The following PEX14 variants were observed in gnomAD, a reference collection of about 807,000 sequenced individuals.
PEX14 encodes the protein peroxisomal membrane protein PEX14.
PEX14 carries 15 observed loss-of-function variants against 49.5 expected under a neutral mutation model. The observed-to-expected ratio is 0.30, with a 90% CI of 0.20 to 0.47. The LOEUF (loss-of-function observed/expected upper bound fraction) is 0.47, where lower values mean the gene tolerates loss of function less well. PEX14 is among the 20% of genes least tolerant of loss of function. The probability of loss-of-function intolerance (pLI) is 1.00; values close to 1 mark genes in which losing one functional copy is unlikely to be tolerated. For missense variants in PEX14, 398 were observed against 494.8 expected (o/e 0.80, Z 1.86); for synonymous variants, 210 against 212.7 (o/e 0.99, Z 0.11).
rs1298741689 is a variant in PEX14 at position 10,524,431 on chromosome 1, A to C, written c.85-11782A>C. ...ACAGAGCTGGGAAGAATTTGAAAGG[A>C]GTTACCATTGATTTAAAGGAGGAAG... On this transcript the variant is annotated intron_variant, in intron 2 of 8. Transcript: ENST00000356607. The C allele has an allele frequency of 4.2e-6, 4 of 961,498 alleles. No homozygotes were observed. In the South Asian group the frequency reaches 1.4e-4, roughly 35 times the overall value. 59.6% of individuals were successfully genotyped at this position (961,498 alleles called of 1,614,324 possible). A position where few individuals can be genotyped will look rare whatever the true frequency, so the allele number is the denominator to read the frequency against.
intron 1 of PEX14, among the ~76,000 whole-genome samples, chr1:10,484,452 C>T (rs978005551): frequency 7.3e-5 from 11 of 151,636 alleles, no homozygotes; most frequent in East Asian, 1.9e-4. Context: ...GGATTACAGG[C>T]GTGAGCCACT....
At chr1:10,526,345 A>G (rs1638483160) in intron 2 of PEX14, among the ~76,000 whole-genome samples, 1 of 151,848 alleles carries the variant, frequency 6.6e-6, no homozygotes. Flanking sequence ...TAGCTTCCCA[A>G]GTAACTGGGA....
At chr1:10,531,255 G>T (rs1378971116) in intron 2 of PEX14, among the ~76,000 whole-genome samples, 1 of 152,180 alleles carries the variant, frequency 6.6e-6, no homozygotes, top group Non-Finnish European at 1.5e-5. Flanking sequence ...GTTCTACGAT[G>T]TGTTTCTCTG....
chr1:10,627,285 C>A lies in PEX14; in HGVS notation c.599C>A (p.Thr200Asn). ...CTCTGCTTTCAGGCCACCACATCCA[C>A]CAACTGGATCCTGGAGTCCCAGAAT... ...ELAAAKATTS[T>N]NWILESQNIN... is the part of the protein sequence containing the mutation. The change falls in exon 8 of 9, where the codon ACC becomes AAC. Residue 200 changes from threonine to asparagine, a missense_variant. Physicochemically the swap from Thr to Asn is moderately conservative, Grantham distance 65. Coordinates refer to ENST00000356607, the MANE Select transcript of PEX14 (RefSeq NM_004565.3). The A allele has an allele frequency of 6.2e-7, 1 of 1,613,416 alleles. No individual in the cohort carries two copies. The highest frequency in any genetic ancestry group is 1.3e-5 in the African/African-American group (1 of 75,056).
At chr1:10,581,702 A>C (rs1640325185) in intron 3 of PEX14, among the ~76,000 whole-genome samples, 1 of 150,622 alleles carries the variant, frequency 6.6e-6, no homozygotes, top group Admixed American at 6.6e-5. Context: ...AATTGTGTTA[A>C]ACTTATAAAA....
chr1:10,611,193 G>A (rs1421247318), intron 4 of PEX14, among the ~76,000 whole-genome samples: 5 of 152,050 alleles, frequency 3.3e-5, no homozygotes, highest in Non-Finnish European at 5.9e-5. Flanking sequence ...AACCCAGGAG[G>A]TACAGGTTGC....
At chr1:10,507,402 A>G (rs1022418369) in intron 2 of PEX14, among the ~76,000 whole-genome samples, 18 of 152,310 alleles carry the variant, frequency 1.2e-4, no homozygotes, top group African/African-American at 4.1e-4. Context: ...CTGCTGCCTT[A>G]GTGTGCTCTC....
At chr1:10,516,827 A>G (rs115148483) in intron 2 of PEX14, among the ~76,000 whole-genome samples, 2,595 of 152,310 alleles carry the variant, frequency 0.017, 85 homozygotes, top group African/African-American at 0.059. Context: ...AGAATGGGTG[A>G]GGACAGCCTG....
At chr1:10,534,414 T>G (rs1428753963) in intron 2 of PEX14, among the ~76,000 whole-genome samples, 1 of 152,044 alleles carries the variant, frequency 6.6e-6, no homozygotes, top group Non-Finnish European at 1.5e-5. Flanking sequence ...TTATAGCTCC[T>G]TGTGTACTGT....
chr1:10,607,179 G>A (rs552682971), intron 4 of PEX14, among the ~76,000 whole-genome samples: 4 of 151,758 alleles, frequency 2.6e-5, no homozygotes, highest in East Asian at 3.9e-4. Flanking sequence ...TCCGCTCAGC[G>A]TAGTGTTGCC....
At chr1:10,546,128 G>C (rs966242022) in intron 3 of PEX14, among the ~76,000 whole-genome samples, 1 of 152,032 alleles carries the variant, frequency 6.6e-6, no homozygotes, top group Non-Finnish European at 1.5e-5. Flanking sequence ...CAAAATAAGG[G>C]CTTAATTGAT....
chr1:10,519,168 A>G (rs1313343690), intron 2 of PEX14, among the ~76,000 whole-genome samples: 4 of 151,860 alleles, frequency 2.6e-5, no homozygotes, highest in Admixed American at 2.6e-4. Context: ...CCCCCTTTTC[A>G]TCATTCTCCC....
intron 4 of PEX14, among the ~76,000 whole-genome samples, chr1:10,609,205 A>C (rs1641207937): frequency 6.6e-6 from 1 of 152,230 alleles, no homozygotes; most frequent in African/African-American, 2.4e-5. Context: ...GTGAAGATGA[A>C]TAATGCTGCA....
Position 10,623,032 on chromosome 1 carries a change from C to G in PEX14, c.398C>G (p.Pro133Arg). ...FHQLYKKYLLPLILGGREDRK... is the reference protein window; with the variant it reads ...FHQLYKKYLLRLILGGREDRK... Reference sequence around the variant, plus strand: ...CGCTTCTTGCAGAAATACCTGCTCCCCCTCATCCTGGGCGGCCGAGAGGAC... The same window carrying G: ...CGCTTCTTGCAGAAATACCTGCTCCGCCTCATCCTGGGCGGCCGAGAGGAC... Residue 133 changes from proline to arginine, a missense_variant, in exon 6 of 9, where the codon CCC (proline) becomes CGC (arginine). Physicochemically the swap from Pro to Arg is moderately radical, Grantham distance 103. Transcript: ENST00000356607. The surrounding 1 kb of genome is among the most constrained non-coding windows in gnomAD (Gnocchi z 4.4). The G allele has an allele frequency of 1.9e-6, 3 of 1,613,214 alleles. No individual in the cohort carries two copies. The highest frequency in any genetic ancestry group is 2.5e-6 in the Non-Finnish European group (3 of 1,179,556).
chr1:10,507,729 A>G (rs990887518), intron 2 of PEX14, among the ~76,000 whole-genome samples: 2 of 152,170 alleles, frequency 1.3e-5, no homozygotes, highest in Non-Finnish European at 2.9e-5. Flanking sequence ...GTCTCCAGGG[A>G]GTCACTGGAA....
intron 2 of PEX14, among the ~76,000 whole-genome samples, chr1:10,511,361 C>A (rs781233397): frequency 6.6e-6 from 1 of 152,080 alleles, no homozygotes; most frequent in African/African-American, 2.4e-5. Context: ...CTGCCTCCCC[C>A]CTTTGATGAC....
intron 3 of PEX14, among the ~76,000 whole-genome samples, chr1:10,592,814 C>T (rs1424224485): frequency 6.6e-6 from 1 of 152,248 alleles, no homozygotes; most frequent in Non-Finnish European, 1.5e-5. Flanking sequence ...CCCCCAAACT[C>T]ACATTCGATT....
intron 2 of PEX14, among the ~76,000 whole-genome samples, chr1:10,523,840 A>T (rs964927249): frequency 6.6e-6 from 1 of 151,914 alleles, no homozygotes; most frequent in East Asian, 1.9e-4. Flanking sequence ...AAAAAAAAAA[A>T]AAAAAAATCC....
chr1:10,562,298 A>G (rs547460242), intron 3 of PEX14, among the ~76,000 whole-genome samples: 2 of 152,332 alleles, frequency 1.3e-5, no homozygotes, highest in South Asian at 4.1e-4. Context: ...ATACAATTCT[A>G]TGATCAGATG....
Sources: gnomAD v4.1 joint callset for allele counts (sites outside exome capture counted in the v4.1 genomes callset) on GRCh38, gnomAD v4.1.1 for gene constraint, Gnocchi (gnomAD v3.1) non-coding constraint, MANE v1.5 for transcripts, NCBI Gene and HGNC (gene_info 2026-07-23, HGNC 2026-07-21) for gene names.